The following HMCN2 variants were observed in gnomAD, a reference collection of about 807,000 sequenced individuals.
The protein encoded by HMCN2 is hemicentin 2.
HMCN2 carries 325 observed loss-of-function variants against 377.5 expected under a neutral mutation model. The ratio of observed to expected loss-of-function variants is 0.86; its 90% CI spans 0.79 to 0.94. The LOEUF (loss-of-function observed/expected upper bound fraction) is 0.94, where lower values mean the gene tolerates loss of function less well. HMCN2 is among the 40% of genes least tolerant of loss of function. The pLI, the probability that HMCN2 is intolerant of heterozygous loss-of-function variation, is 0.00. For synonymous variants in HMCN2, 2,007 were observed against 2,046.8 expected (o/e 0.98, Z 0.53); for missense variants, 4,543 against 4,725.3 (o/e 0.96, Z 1.13).
At chr9:130,283,189 C>T (rs1271280734) in intron 1 of HMCN2, among the ~76,000 whole-genome samples, 1 of 152,162 alleles carries the variant, frequency 6.6e-6, no homozygotes, top group Non-Finnish European at 1.5e-5. Context: ...TCCTCAGGAT[C>T]CCCGGAACGC....
rs996722600 is a variant in HMCN2, at chr9:130,351,636, G to T, written c.4585+59G>T. 3.0e-5 allele frequency: 37 copies of T among 1,253,030 alleles called. No homozygotes were observed. The highest frequency in any genetic ancestry group is 3.8e-5 in the Non-Finnish European group (36 of 955,602). 77.6% of individuals were successfully genotyped at this position (1,253,030 alleles called of 1,614,324 possible). The stretch of plus-strand genomic sequence containing the variant: ...GGCTACTCAGGAAGCTTCCCACCCA[G>T]CTGCCCGCTGCCTTAGAGGGAGAGT... On this transcript the variant is annotated intron_variant, in intron 30 of 97. Coordinates refer to ENST00000683500, the MANE Select transcript of HMCN2 (RefSeq NM_001291815.2). The surrounding 1 kb of genome is among the most constrained non-coding windows in gnomAD (Gnocchi z 5.4).
In HMCN2 at chr9:130,308,375, G is replaced by C. The variant is rs1837014304; in HGVS notation, c.2200+809G>C. 6.6e-6 allele frequency among the ~76,000 whole-genome samples: 1 copy of C among 152,194 alleles called. No homozygotes were observed. The highest frequency in any genetic ancestry group is 6.5e-5 in the Admixed American group (1 of 15,288). On this transcript the variant is annotated intron_variant, in intron 14 of 97. Coordinates refer to ENST00000683500, the MANE Select transcript of HMCN2 (RefSeq NM_001291815.2). The surrounding 1 kb of genome is among the most constrained non-coding windows in gnomAD (Gnocchi z 4.1). ...ACAGCAATAATGACAGGGTTGTCCT[G>C]AGGCCCTGAGGTCATGGGCAGAGCG...
At chr9:130,385,105 C>T (rs1564840382) in intron 59 of HMCN2, among the ~76,000 whole-genome samples, 4 of 152,182 alleles carry the variant, frequency 2.6e-5, no homozygotes, top group Admixed American at 2.0e-4. Context: ...AGCAAGGACT[C>T]GCTGGAAGGT....
At chr9:130,359,200 A>T in intron 36 of HMCN2, 119 bp from the exon 37 acceptor site, 1 of 405,106 alleles carries the variant, frequency 2.5e-6, no homozygotes, top group Non-Finnish European at 4.5e-6. Flanking sequence ...GAGCTGTTTT[A>T]GAGCCCTTAG....
At position 130,405,029 on chromosome 9, in the gene HMCN2, T is replaced by C; in HGVS notation, c.12309T>C (p.Pro4103=). 1 of 1,288,092 alleles carries C rather than the reference T, an allele frequency of 7.8e-7. No homozygotes were observed. Among genetic ancestry groups the C allele is most frequent in the Non-Finnish European group, 1.0e-6 (1 of 988,176 alleles). The allele number at this position is 1,288,092 out of a possible 1,614,324, so 79.8% of individuals were successfully genotyped here. A position where few individuals can be genotyped will look rare whatever the true frequency, so the allele number is the denominator to read the frequency against. The change falls in exon 81 of 98, where the codon CCT becomes CCC. Residue 4103 remains proline, a synonymous_variant. Transcript: ENST00000683500. The part of the protein sequence containing the change: ...SGAEGKFTIQ[P]SGELLVKNLE... ...CCGAGGGGAAGTTCACCATCCAGCC[T>C]TCTGGGGAGTTGCTGGTGAAGAACT...
At chr9:130,286,379 T>C in intron 4 of HMCN2, 69 bp downstream of exon 4, 3 of 455,826 alleles carry the variant, frequency 6.6e-6, no homozygotes, top group South Asian at 4.7e-5. Flanking sequence ...TGACCATCCC[T>C]GTGGCTCCAG....
intron 1 of HMCN2, among the ~76,000 whole-genome samples, chr9:130,277,142 G>A (rs1475748360): frequency 3.3e-5 from 5 of 152,258 alleles, no homozygotes; most frequent in Non-Finnish European, 5.9e-5. Flanking sequence ...GTCTGAGACA[G>A]TTCATGGGGC....
chr9:130,388,681 C>T (rs528669064), intron 62 of HMCN2, 141 bp downstream of exon 62: 5 of 382,082 alleles, frequency 1.3e-5, no homozygotes, highest in Admixed American at 6.6e-5. Flanking sequence ...TGCCCCCCCC[C>T]CCACCATTTG....
chr9:130,362,443 C>T (rs936894692), intron 39 of HMCN2, among the ~76,000 whole-genome samples: 2 of 152,328 alleles, frequency 1.3e-5, no homozygotes, highest in Non-Finnish European at 2.9e-5. Flanking sequence ...TAATAATACA[C>T]GTTAGTTAAT....
chr9:130,342,721 C>T (rs1225096797), intron 25 of HMCN2, among the ~76,000 whole-genome samples: 4 of 152,190 alleles, frequency 2.6e-5, no homozygotes, highest in African/African-American at 7.2e-5. Flanking sequence ...CTGCCCTGCC[C>T]CCCTGTGCCC....
At position 130,393,851 on chromosome 9, in the gene HMCN2, G is replaced by A. The variant is rs143277107; in HGVS notation, c.10344G>A (p.Ser3448=). ...GGGGCGTTCCCCTGCCTCTCGTGTC[G>A]TGGATGAAGGATGGGGAACCCTTGT... ...EARGVPLPLV[S]WMKDGEPLLS... is the part of the protein sequence containing the mutation. The change falls in exon 68 of 98, where the codon TCG becomes TCA. Residue 3448 remains serine (S), a synonymous_variant. Transcript: ENST00000683500. This position sits in a 1 kb window ranked among gnomAD's most constrained non-coding sequence, Gnocchi z 5.2. The A allele has an allele frequency of 1.2e-4, 155 of 1,289,658 alleles. No homozygotes were observed. Among genetic ancestry groups the A allele is most frequent in the African/African-American group, 9.4e-4 (62 of 65,976 alleles). The allele number at this position is 1,289,658 out of a possible 1,614,324, so 79.9% of individuals were successfully genotyped here.
At chr9:130,353,708 C>T (rs550892529) in intron 31 of HMCN2, among the ~76,000 whole-genome samples, 8 of 152,300 alleles carry the variant, frequency 5.3e-5, no homozygotes, top group South Asian at 2.1e-4. Flanking sequence ...TGGTGGAACC[C>T]GGTCCTTACG....
Position 130,304,825 on chromosome 9 carries a change from A to T in HMCN2, c.1639A>T (p.Asn547Tyr), listed in dbSNP as rs1414846271. ...SCRVLGEAPY[N>Y]LTWVRDWRVL... Reference sequence around the variant, plus strand: ...CCGGGTCCTAGGCGAGGCCCCCTACAACCTGACGTGGGTCCGGGACTGGCG... The same window carrying T: ...CCGGGTCCTAGGCGAGGCCCCCTACTACCTGACGTGGGTCCGGGACTGGCG... Residue 547 changes from asparagine (N) to tyrosine (Y), a missense_variant, in exon 11 of 98, where the codon AAC becomes TAC. Around this residue, in one of 5 missense-constraint regions of HMCN2, gnomAD observed 547 missense variants for 189.9 expected, o/e 2.88. Transcript: ENST00000683500. This position sits in a 1 kb window ranked among gnomAD's most constrained non-coding sequence, Gnocchi z 4.3. 1 of 471,006 alleles carries T rather than the reference A, an allele frequency of 2.1e-6. No homozygotes were observed. Among genetic ancestry groups the T allele is most frequent in the Non-Finnish European group, 4.4e-6 (1 of 227,060 alleles). 29.2% of individuals were successfully genotyped at this position (471,006 alleles called of 1,614,324 possible). A position where few individuals can be genotyped will look rare whatever the true frequency, so the allele number is the denominator to read the frequency against.
Position 130,365,706 on chromosome 9 carries a change from C to T in HMCN2, c.6484C>T (p.His2162Tyr), listed in dbSNP as rs922183721. ...GAACCAGGCCGGCCACTCAGAGAAA[C>T]ACTACAATCTGAACGTCTGGGGTGA... ...ALNQAGHSEK[H>Y]YNLNVWVAPV... Residue 2162 changes from histidine to tyrosine, a missense_variant, in exon 42 of 98, where the codon CAC becomes TAC. His to Tyr is a moderately conservative substitution (Grantham distance 83). This residue lies in a region of HMCN2 where 1,032 missense variants were observed against 1,285.1 expected (regional missense o/e 0.80). Coordinates refer to ENST00000683500, the MANE Select transcript of HMCN2 (RefSeq NM_001291815.2). 1.2e-5 allele frequency: 12 copies of T among 985,774 alleles called. No individual in the cohort carries two copies. The South Asian group carries it at 5.2e-4, about 42-fold the overall frequency. The allele number at this position is 985,774 out of a possible 1,614,324, so 61.1% of individuals were successfully genotyped here.
intron 84 of HMCN2, 27 bp downstream of exon 84, chr9:130,408,960 G>T (rs2131743545): frequency 7.8e-7 from 1 of 1,275,002 alleles, no homozygotes; most frequent in South Asian, 1.3e-5. Context: ...CACCTTGGGT[G>T]GGGCCACTGA....
intron 23 of HMCN2, among the ~76,000 whole-genome samples, chr9:130,339,468 G>A (rs1169198261): frequency 2.0e-5 from 3 of 152,178 alleles, no homozygotes; most frequent in African/African-American, 7.2e-5. Context: ...GTTTGCCTGG[G>A]GGTGTGAGAG....
At chr9:130,322,339 T>C (rs1170183751) in intron 19 of HMCN2, among the ~76,000 whole-genome samples, 2 of 45,388 alleles carry the variant, frequency 4.4e-5, no homozygotes, top group Non-Finnish European at 1.4e-4. Context: ...TCTATCTATC[T>C]ATCCATCTAT....
In HMCN2 at chr9:130,354,887, G is replaced by A. The variant is rs758538948; in HGVS notation, c.4989G>A (p.Glu1663=). 912 of 1,304,196 alleles carry A rather than the reference G, an allele frequency of 7.0e-4. 1 individual carries two copies. Among genetic ancestry groups the A allele is most frequent in the Non-Finnish European group, 8.9e-4 (880 of 988,962 alleles). 80.8% of individuals were successfully genotyped at this position (1,304,196 alleles called of 1,614,324 possible). Residue 1663 remains glutamate, a synonymous_variant, in exon 32 of 98, where the codon GAG becomes GAA. Transcript: ENST00000683500. ...CCCCCACCCTCTCCTGGCACCACGA[G>A]GGGCTGCCCGTGGCAGAGAGCAACG... ...HPSPTLSWHH[E]GLPVAESNES... is the part of the protein sequence containing the mutation.
Position 130,294,175 on chromosome 9 carries a change from C to T in HMCN2, c.613-680C>T, listed in dbSNP as rs374680382. Among the ~76,000 whole-genome samples the T allele has an allele frequency of 1.1e-4, 17 of 152,146 alleles. No individual in the cohort carries two copies. The South Asian group carries it at 2.1e-3, about 19-fold the overall frequency. ...TCTCTGAGGGAGTTTGGGAACCTCC[C>T]GAAGTCATACCCTAAATGTGTACCT... On this transcript the variant is annotated intron_variant, in intron 4 of 97. Coordinates refer to ENST00000683500, the MANE Select transcript of HMCN2 (RefSeq NM_001291815.2).
Sources: allele counts gnomAD v4.1 joint callset (sites outside exome capture counted in the v4.1 genomes callset), GRCh38; gene constraint gnomAD v4.1.1; regional missense constraint gnomAD v4.1.1; non-coding constraint Gnocchi (gnomAD v3.1); transcripts MANE v1.5; gene names NCBI Gene and HGNC (gene_info 2026-07-23, HGNC 2026-07-21).